The following WDR37 variants were observed in gnomAD, a reference collection of about 807,000 sequenced individuals.
WDR37 encodes WD repeat domain 37, also known as WD repeat-containing protein 37.
A neutral mutation model predicts 62.9 loss-of-function variants in WDR37; 19 were observed. The ratio of observed to expected loss-of-function variants is 0.30; its 90% CI spans 0.21 to 0.44. The LOEUF is 0.44. Ranked by LOEUF, WDR37 falls within the 20% of genes least tolerant of loss-of-function variation. WDR37 has a pLI of 1.00. For missense variants in WDR37, 474 were observed against 657.6 expected (o/e 0.72, Z 3.05); for synonymous variants, 250 against 260.9 (o/e 0.96, Z 0.40).
At chr10:1,087,576 G>A (rs1042787087) in intron 7 of WDR37, among the ~76,000 whole-genome samples, 7 of 152,196 alleles carry the variant, frequency 4.6e-5, no homozygotes, top group East Asian at 1.9e-4. Context: ...GAGCAGGTGC[G>A]TTGTCAATGA....
intron 11 of WDR37, among the ~76,000 whole-genome samples, chr10:1,115,164 C>A (rs746650541): frequency 6.6e-6 from 1 of 152,092 alleles, no homozygotes; most frequent in East Asian, 1.9e-4. Context: ...GTTTGCAATG[C>A]GGATAAACTT....
rs1375332368 is a variant in WDR37, at chr10:1,103,728, A to G, written c.853A>G (p.Ile285Val). 5.6e-6 allele frequency: 9 copies of G among 1,614,144 alleles called. No homozygotes were observed. Among genetic ancestry groups the G allele is most frequent in the Middle Eastern group, 1.6e-4 (1 of 6,084 alleles). Residue 285 changes from isoleucine (I) to valine (V), a missense_variant, in exon 10 of 14, where the codon ATC becomes GTC. By Grantham distance (29) the Ile-to-Val change is conservative. Coordinates refer to ENST00000263150, the MANE Select transcript of WDR37 (RefSeq NM_014023.4). This position sits in a 1 kb window ranked among gnomAD's most constrained non-coding sequence, Gnocchi z 6.3. ...CCTCAAGAGCCACCAGGGCGTGGTC[A>G]TCGCCTCCGACTGGCTGGTTGGGGG... Reference protein sequence around the residue: ...TSLKSHQGVVIASDWLVGGKQ... With the variant: ...TSLKSHQGVVVASDWLVGGKQ...
At chr10:1,072,534 G>A (rs1310726427) in intron 2 of WDR37, among the ~76,000 whole-genome samples, 1 of 152,108 alleles carries the variant, frequency 6.6e-6, no homozygotes, top group Non-Finnish European at 1.5e-5. Flanking sequence ...GGCTCATCTC[G>A]AACTCCTAAC....
At chr10:1,069,387 A>ATTTTTTTTTTTTTT (rs1368989652) in intron 1 of WDR37, among the ~76,000 whole-genome samples, 6 of 30,442 alleles carry the variant, frequency 2.0e-4, no homozygotes, top group Admixed American at 3.3e-4. Context: ...ATATATATAT[A>ATTTTTTTTTTTTTT]TATTTTTTTT....
chr10:1,082,744 G>T (rs536221995), intron 5 of WDR37, among the ~76,000 whole-genome samples: 118 of 107,646 alleles, frequency 1.1e-3, no homozygotes, highest in African/African-American at 3.4e-3. Flanking sequence ...ATTTGAAAAC[G>T]GCACATGATC....
Position 1,121,349 on chromosome 10 carries a change from C to T in WDR37, c.1104-2869C>T, listed in dbSNP as rs1835571332. 6.6e-6 allele frequency among the ~76,000 whole-genome samples: 1 copy of T among 152,168 alleles called. No individual in the cohort carries two copies. The highest frequency in any genetic ancestry group is 6.5e-5 in the Admixed American group (1 of 15,274). ...CAGTTCAAAGAGAAGTTGGGGGCAC[C>T]TCTCCTCTCATTCTTCCAGGCTCCC... is the stretch of plus-strand genomic sequence containing the variant. On this transcript the variant is annotated intron_variant, in intron 11 of 13. Transcript: ENST00000263150. This position sits in a 1 kb window ranked among gnomAD's most constrained non-coding sequence, Gnocchi z 4.5.
At chr10:1,097,488 A>T (rs1353750242) in intron 9 of WDR37, among the ~76,000 whole-genome samples, 1 of 152,198 alleles carries the variant, frequency 6.6e-6, no homozygotes, top group Non-Finnish European at 1.5e-5. Context: ...TGAGGGAAGA[A>T]TGCCCCGAAG....
chr10:1,126,370 C>T (rs376336276), intron 13 of WDR37, among the ~76,000 whole-genome samples: 7 of 149,230 alleles, frequency 4.7e-5, no homozygotes, highest in South Asian at 2.1e-4. Flanking sequence ...CGCGCCACTG[C>T]ACTCCAGCCT....
rs1483875808 is a variant in WDR37, at chr10:1,121,435, G to C, written c.1104-2783G>C. 6.6e-6 allele frequency among the ~76,000 whole-genome samples: 1 copy of C among 152,166 alleles called. No individual in the cohort carries two copies. The highest frequency in any genetic ancestry group is 1.5e-5 in the Non-Finnish European group (1 of 68,040). On this transcript the variant is annotated intron_variant, in intron 11 of 13. Coordinates refer to ENST00000263150, the MANE Select transcript of WDR37 (RefSeq NM_014023.4). The surrounding 1 kb of genome is among the most constrained non-coding windows in gnomAD (Gnocchi z 4.5). ...TTCTCACTGAAGCGTGGCAGCGTCT[G>C]ATTTATAGTCAAGCTCTCATGTTGT...
intron 5 of WDR37, among the ~76,000 whole-genome samples, chr10:1,082,971 A>G (rs1834078246): frequency 4.6e-5 from 7 of 152,226 alleles, no homozygotes; most frequent in African/African-American, 1.7e-4. Context: ...TTATGTTAGA[A>G]ATGGTGAGAG....
rs375861107 is a variant in WDR37, at chr10:1,062,623, CTG to C, written c.-41+5657_-41+5658del. On this transcript the variant is annotated intron_variant, in intron 1 of 13. Transcript: ENST00000263150. ...ACATACTCCATAAACTACAAAGTAA[CTG>C]TTTTATGTTGTAAAGCAAGACTTAC... is the stretch of plus-strand genomic sequence containing the variant. Among the ~76,000 whole-genome samples the C allele has an allele frequency of 9.2e-5, 14 of 152,248 alleles. 1 individual carries two copies. In the East Asian group the frequency reaches 2.5e-3, roughly 27 times the overall value.
In WDR37 at chr10:1,109,651, C is replaced by T. The variant is rs564551308; in HGVS notation, c.1103+4384C>T. ...GCTTGAACTTGGGAGGTGGAGGTTG[C>T]GGTGAGCCGAGATCACGCCGTTGCA... On this transcript the variant is annotated intron_variant, in intron 11 of 13. Coordinates refer to ENST00000263150, the MANE Select transcript of WDR37 (RefSeq NM_014023.4). Among the ~76,000 whole-genome samples the T allele has an allele frequency of 2.6e-4, 40 of 152,088 alleles. No individual in the cohort carries two copies. In the South Asian group the frequency reaches 7.3e-3, roughly 28 times the overall value.
intron 9 of WDR37, among the ~76,000 whole-genome samples, chr10:1,102,788 T>C (rs1469469748): frequency 6.6e-6 from 1 of 152,148 alleles, no homozygotes; most frequent in Non-Finnish European, 1.5e-5. Context: ...GTACTAGTAC[T>C]TGTGTATATA....
At chr10:1,107,479 A>C (rs1447838815) in intron 11 of WDR37, among the ~76,000 whole-genome samples, 2 of 152,280 alleles carry the variant, frequency 1.3e-5, no homozygotes, top group African/African-American at 4.8e-5. Context: ...CCAACAGAGT[A>C]GTACAGTGTA....
At chr10:1,122,630 GTAA>G (rs1835623210) in intron 11 of WDR37, among the ~76,000 whole-genome samples, 1 of 152,280 alleles carries the variant, frequency 6.6e-6, no homozygotes, top group Non-Finnish European at 1.5e-5. Context: ...CACGGGGAAA[GTAA>G]GGTTTTTATC....
Position 1,129,354 on chromosome 10 carries a change from C to T in WDR37, c.*10C>T, listed in dbSNP as rs1156624824. On this transcript the variant is annotated 3_prime_UTR_variant, in exon 14 of 14. Transcript: ENST00000263150. ...GCTACAAGAAAAATAAGGACACCGG[C>T]AGCCCTTAGTTTCACTGTTTGCCAG... The T allele has an allele frequency of 3.1e-6, 5 of 1,613,924 alleles. No individual in the cohort carries two copies. In the Admixed American group the frequency reaches 8.3e-5, roughly 27 times the overall value.
intron 13 of WDR37, among the ~76,000 whole-genome samples, chr10:1,126,638 C>T (rs1468351121): frequency 6.6e-6 from 1 of 152,224 alleles, no homozygotes; most frequent in Non-Finnish European, 1.5e-5. Context: ...GTGGCTCCTT[C>T]TGTGGACACC....
intron 11 of WDR37, among the ~76,000 whole-genome samples, chr10:1,107,534 GCTGT>G (rs1163463728): frequency 6.6e-6 from 1 of 152,186 alleles, no homozygotes; most frequent in African/African-American, 2.4e-5. Flanking sequence ...TTGCAGCACT[GCTGT>G]CTCTTTACAC....
intron 13 of WDR37, among the ~76,000 whole-genome samples, chr10:1,128,390 C>T (rs773860851): frequency 2.6e-5 from 4 of 152,200 alleles, no homozygotes; most frequent in Non-Finnish European, 4.4e-5. Flanking sequence ...ACATACACAC[C>T]GATATGCTAT....
Sources: gnomAD v4.1 joint callset for allele counts (sites outside exome capture counted in the v4.1 genomes callset) on GRCh38, gnomAD v4.1.1 for gene constraint, Gnocchi (gnomAD v3.1) non-coding constraint, MANE v1.5 for transcripts, NCBI Gene and HGNC (gene_info 2026-07-23, HGNC 2026-07-21) for gene names.